Variants in PCDH9 observed in about 807,000 individuals in gnomAD.
PCDH9 encodes protocadherin-9.
In PCDH9, 24 loss-of-function variants were observed where a neutral mutation model predicts 70.6. That is an observed-to-expected ratio of 0.34 (90% confidence interval 0.25 to 0.48). PCDH9 has a LOEUF of 0.48. Among genes scored for constraint, PCDH9 ranks in the 20% least tolerant of loss-of-function variants. PCDH9 has a pLI of 0.99. For synonymous variants in PCDH9, 562 were observed against 558.5 expected (o/e 1.01, Z -0.09); for missense variants, 1,281 against 1,503.6 (o/e 0.85, Z 2.45).
intron 3 of PCDH9, among the ~76,000 whole-genome samples, chr13:66,761,587 A>C (rs1256713216): frequency 6.6e-6 from 1 of 151,600 alleles, no homozygotes; most frequent in East Asian, 1.9e-4. Context: ...CTTGTCTTTG[A>C]GTTTAAAATT....
chr13:66,599,550 TA>T (rs1178119284), intron 4 of PCDH9, among the ~76,000 whole-genome samples: 20 of 144,460 alleles, frequency 1.4e-4, no homozygotes, highest in Non-Finnish European at 3.1e-5. Context: ...TATTTTTAAT[TA>T]ATTTTTTTTT....
intron 3 of PCDH9, among the ~76,000 whole-genome samples, chr13:66,752,477 T>C (rs190726843): frequency 6.6e-6 from 1 of 152,158 alleles, no homozygotes; most frequent in Non-Finnish European, 1.5e-5. Context: ...TTGTATTTTT[T>C]GTAGAGACAG....
At chr13:66,861,850 C>A (rs2081489927) in intron 3 of PCDH9, among the ~76,000 whole-genome samples, 1 of 152,032 alleles carries the variant, frequency 6.6e-6, no homozygotes, top group Non-Finnish European at 1.5e-5. Context: ...AATCACAGGA[C>A]AAAGAAAGAA....
intron 2 of PCDH9, among the ~76,000 whole-genome samples, chr13:66,954,202 C>T (rs547711385): frequency 1.3e-5 from 2 of 152,234 alleles, no homozygotes; most frequent in Admixed American, 6.5e-5. Flanking sequence ...TCTTATGATC[C>T]TATGATACTT....
At chr13:66,627,834 G>A (rs562138024) in intron 4 of PCDH9, among the ~76,000 whole-genome samples, 60 of 152,222 alleles carry the variant, frequency 3.9e-4, no homozygotes, top group Non-Finnish European at 6.3e-4. Flanking sequence ...AAAGGTTTTC[G>A]TTTGTTTGCT....
chr13:66,394,464 G>T (rs1957069511), intron 4 of PCDH9, among the ~76,000 whole-genome samples: 1 of 152,084 alleles, frequency 6.6e-6, no homozygotes, highest in Admixed American at 6.5e-5. Context: ...AATGTTTTAT[G>T]GCCCTTTTCT....
intron 3 of PCDH9, among the ~76,000 whole-genome samples, chr13:66,671,641 AT>A (rs2078176808): frequency 6.6e-6 from 1 of 152,154 alleles, no homozygotes; most frequent in Non-Finnish European, 1.5e-5. Context: ...GACTGGTGGC[AT>A]TTTGCCCCTG....
At chr13:66,670,803 G>A (rs1043511750) in intron 3 of PCDH9, among the ~76,000 whole-genome samples, 14 of 151,062 alleles carry the variant, frequency 9.3e-5, no homozygotes, top group African/African-American at 1.2e-4. Flanking sequence ...TCCTAAGCCC[G>A]AGTATCTGTA....
intron 2 of PCDH9, among the ~76,000 whole-genome samples, chr13:66,988,658 A>G (rs372663962): frequency 1.3e-5 from 2 of 152,008 alleles, no homozygotes; most frequent in East Asian, 3.9e-4. Context: ...AATAATACAA[A>G]TGAAAGAATG....
At chr13:66,714,014 A>G (rs576887553) in intron 3 of PCDH9, among the ~76,000 whole-genome samples, 3 of 152,246 alleles carry the variant, frequency 2.0e-5, no homozygotes, top group East Asian at 3.9e-4. Flanking sequence ...TCTTCATCCT[A>G]TAATTTATTC....
chr13:66,643,856 G>C (rs927265594), intron 3 of PCDH9, among the ~76,000 whole-genome samples: 1 of 151,960 alleles, frequency 6.6e-6, no homozygotes, highest in Non-Finnish European at 1.5e-5. Context: ...GATATACACA[G>C]AATTGCCTTC....
chr13:66,353,237 G>A (rs1956322361), intron 4 of PCDH9, among the ~76,000 whole-genome samples: 1 of 152,100 alleles, frequency 6.6e-6, no homozygotes, highest in African/African-American at 2.4e-5. Context: ...AAAACATAAT[G>A]ATTCACTGAC....
At chr13:66,872,035 T>A (rs1391393087) in intron 3 of PCDH9, among the ~76,000 whole-genome samples, 1 of 118,564 alleles carries the variant, frequency 8.4e-6, no homozygotes, top group Non-Finnish European at 1.8e-5. Context: ...TTTTAACATG[T>A]CGTCTACTAC....
At chr13:67,097,869 C>T (rs1229438883) in intron 2 of PCDH9, among the ~76,000 whole-genome samples, 1 of 152,114 alleles carries the variant, frequency 6.6e-6, no homozygotes, top group Admixed American at 6.5e-5. Context: ...TATAAATACG[C>T]TAAGTGTTTT....
chr13:67,109,557 T>G (rs2086614357), intron 2 of PCDH9, among the ~76,000 whole-genome samples: 1 of 152,216 alleles, frequency 6.6e-6, no homozygotes. Flanking sequence ...TCTAAAATTG[T>G]GTCTAATGCT....
At chr13:66,772,595 T>C (rs1268386376) in intron 3 of PCDH9, among the ~76,000 whole-genome samples, 2 of 152,094 alleles carry the variant, frequency 1.3e-5, no homozygotes, top group Non-Finnish European at 2.9e-5. Context: ...CCACATAAAC[T>C]CATACATAAA....
At chr13:66,672,984 C>T (rs2078197645) in intron 3 of PCDH9, among the ~76,000 whole-genome samples, 2 of 152,068 alleles carry the variant, frequency 1.3e-5, no homozygotes, top group Non-Finnish European at 2.9e-5. Flanking sequence ...GGACTGTGGA[C>T]TTTTGAGTTA....
At chr13:66,919,921 G>A (rs1385014063) in intron 2 of PCDH9, among the ~76,000 whole-genome samples, 3 of 150,926 alleles carry the variant, frequency 2.0e-5, no homozygotes, top group Non-Finnish European at 3.0e-5. Flanking sequence ...AAACTATCCT[G>A]ATGTTCATTT....
At chr13:66,397,154 C>T (rs1018723915) in intron 4 of PCDH9, among the ~76,000 whole-genome samples, 9 of 152,230 alleles carry the variant, frequency 5.9e-5, no homozygotes, top group African/African-American at 2.2e-4. Context: ...CACAGTGGCT[C>T]ACACCTGTAA....
Sources: gnomAD v4.1 joint callset for allele counts (sites outside exome capture counted in the v4.1 genomes callset) on GRCh38, gnomAD v4.1.1 for gene constraint, MANE v1.5 for transcripts, NCBI Gene and HGNC (gene_info 2026-07-23, HGNC 2026-07-21) for gene names.